KAT2B: variants seen among roughly 807,000 people sequenced by gnomAD.
KAT2B encodes the protein lysine acetyltransferase 2B.
In KAT2B, 36 loss-of-function variants were observed where a neutral mutation model predicts 105.9. The ratio of observed to expected loss-of-function variants is 0.34; its 90% CI spans 0.26 to 0.45. KAT2B has a LOEUF of 0.45. KAT2B is among the 20% of genes least tolerant of loss of function. KAT2B has a pLI of 1.00. For missense variants in KAT2B, 820 were observed against 1,021.6 expected (o/e 0.80, Z 2.69); for synonymous variants, 397 against 377.9 (o/e 1.05, Z -0.59).
chr3:20,154,045 T>TAATG lies in KAT2B; in HGVS notation c.*1523_*1526dup, dbSNP rs1699910905. The TAATG allele has an allele frequency of 6.6e-6, 1 of 152,626 alleles. No individual in the cohort carries two copies. The highest frequency in any genetic ancestry group is 1.5e-5 in the Non-Finnish European group (1 of 68,024). The allele number at this position is 152,626 out of a possible 1,614,324, so 9.5% of individuals were successfully genotyped here. Reference sequence around the variant, plus strand: ...CCACCATGAGTGGTGTCTAGATTTCTAATGAAGAATCATGATACAGTTTGG... The same window carrying TAATG: ...CCACCATGAGTGGTGTCTAGATTTCTAATGAATGAAGAATCATGATACAGTTTGG... On this transcript the variant is annotated 3_prime_UTR_variant, in exon 18 of 18. Transcript: ENST00000263754.
chr3:20,094,993 T>C (rs6793985), intron 2 of KAT2B, among the ~76,000 whole-genome samples: 34,361 of 152,116 alleles, frequency 0.23, 4,236 homozygotes, highest in African/African-American at 0.31. Flanking sequence ...TACTGATTCT[T>C]AAAATATACA....
intron 7 of KAT2B, 62 bp downstream of exon 7, chr3:20,115,050 C>G: frequency 1.1e-6 from 1 of 949,936 alleles, no homozygotes; most frequent in Non-Finnish European, 1.7e-6. Flanking sequence ...GTGTAAGTTG[C>G]AGTTCACTGC....
intron 1 of KAT2B, among the ~76,000 whole-genome samples, chr3:20,056,834 A>G (rs541909658): frequency 6.6e-6 from 1 of 152,338 alleles, no homozygotes; most frequent in South Asian, 2.1e-4. Flanking sequence ...TTGCCAGCTG[A>G]GTGAACTCAG....
chr3:20,149,489 G>A (rs1401872181), intron 17 of KAT2B, among the ~76,000 whole-genome samples: 3 of 46,392 alleles, frequency 6.5e-5, no homozygotes, highest in African/African-American at 2.4e-4. Context: ...GAGGGAGACC[G>A]TATCTCAAAA....
At chr3:20,081,334 G>A (rs1056845492) in intron 2 of KAT2B, among the ~76,000 whole-genome samples, 1 of 152,100 alleles carries the variant, frequency 6.6e-6, no homozygotes, top group African/African-American at 2.4e-5. Flanking sequence ...GGTTAGTGAG[G>A]GTCACGGCAC....
chr3:20,141,591 A>G (rs1699695392), intron 13 of KAT2B, among the ~76,000 whole-genome samples: 1 of 152,172 alleles, frequency 6.6e-6, no homozygotes, highest in African/African-American at 2.4e-5. Context: ...CATCTGTCTT[A>G]TACCCATCTT....
At chr3:20,075,309 A>G (rs575814426) in intron 2 of KAT2B, among the ~76,000 whole-genome samples, 7 of 151,926 alleles carry the variant, frequency 4.6e-5, no homozygotes, top group South Asian at 2.1e-4. Flanking sequence ...ACTTTTTTCT[A>G]TTTTACTCAA....
intron 6 of KAT2B, among the ~76,000 whole-genome samples, chr3:20,113,408 T>C (rs913813060): frequency 3.3e-5 from 5 of 152,218 alleles, no homozygotes; most frequent in Non-Finnish European, 7.3e-5. Flanking sequence ...CATAATAAAT[T>C]TTTTTCCCAT....
intron 2 of KAT2B, among the ~76,000 whole-genome samples, chr3:20,081,290 C>T (rs1158717071): frequency 6.6e-6 from 1 of 152,154 alleles, no homozygotes; most frequent in African/African-American, 2.4e-5. Context: ...ACTGTCTTCA[C>T]GAGAAGTGCA....
At chr3:20,074,150 G>T (rs1222609473) in intron 2 of KAT2B, among the ~76,000 whole-genome samples, 3 of 152,140 alleles carry the variant, frequency 2.0e-5, no homozygotes, top group Non-Finnish European at 4.4e-5. Context: ...TTTAATCTGT[G>T]TGTAAATTAA....
intron 3 of KAT2B, among the ~76,000 whole-genome samples, chr3:20,097,349 C>T (rs1314294418): frequency 1.3e-5 from 2 of 152,034 alleles, no homozygotes; most frequent in African/African-American, 4.8e-5. Flanking sequence ...TCTCTTTCTT[C>T]CCTCCTTCAT....
At chr3:20,111,808 G>A in intron 6 of KAT2B, 21 bp downstream of exon 6, 1 of 1,593,820 alleles carries the variant, frequency 6.3e-7, no homozygotes, top group South Asian at 1.1e-5. Flanking sequence ...GTTTTTGCTG[G>A]TCTTTGTTTG....
At chr3:20,094,026 C>G (rs1698766949) in intron 2 of KAT2B, among the ~76,000 whole-genome samples, 1 of 152,114 alleles carries the variant, frequency 6.6e-6, no homozygotes, top group Non-Finnish European at 1.5e-5. Flanking sequence ...GTTTCAAACC[C>G]TAGCTCTGCC....
At chr3:20,128,700 A>G (rs745711377) in intron 11 of KAT2B, among the ~76,000 whole-genome samples, 1 of 152,122 alleles carries the variant, frequency 6.6e-6, no homozygotes, top group Non-Finnish European at 1.5e-5. Context: ...GAACCAGAAA[A>G]CATGTCCTTA....
intron 1 of KAT2B, among the ~76,000 whole-genome samples, chr3:20,051,381 G>A (rs73819092): frequency 0.054 from 8,236 of 152,144 alleles, 535 homozygotes; most frequent in African/African-American, 0.15. Context: ...CCTGGAGTCC[G>A]TATTGGTGAG....
Position 20,065,946 on chromosome 3 carries a change from A to G in KAT2B, c.304-6387A>G, listed in dbSNP as rs572155590. 1.6e-4 allele frequency among the ~76,000 whole-genome samples: 25 copies of G among 152,268 alleles called. 1 individual carries two copies. In the East Asian group the frequency reaches 2.9e-3, roughly 18 times the overall value. ...TTAACATTTTCTAGTAGTCCTGTGTATTAGTTTCTTAGGCCTGTCATAACA... is the reference window on the plus strand; with the variant it reads ...TTAACATTTTCTAGTAGTCCTGTGTGTTAGTTTCTTAGGCCTGTCATAACA... On this transcript the variant is annotated intron_variant, in intron 1 of 17. Transcript: ENST00000263754.
intron 2 of KAT2B, among the ~76,000 whole-genome samples, chr3:20,081,058 A>T (rs749303614): frequency 1.6e-4 from 24 of 152,174 alleles, no homozygotes; most frequent in Admixed American, 2.6e-4. Flanking sequence ...ACCACTTTTA[A>T]ATGATAAGCC....
At chr3:20,114,173 G>C (rs929770403) in intron 6 of KAT2B, among the ~76,000 whole-genome samples, 1 of 151,980 alleles carries the variant, frequency 6.6e-6, no homozygotes, top group African/African-American at 2.4e-5. Flanking sequence ...TGATTTCTAT[G>C]GGTTGCCAAA....
chr3:20,077,010 C>A (rs1698431914), intron 2 of KAT2B, among the ~76,000 whole-genome samples: 1 of 152,144 alleles, frequency 6.6e-6, no homozygotes, highest in African/African-American at 2.4e-5. Context: ...TTGCCTCAGC[C>A]ATATATGTTC....
Sources: gnomAD v4.1 joint callset for allele counts (sites outside exome capture counted in the v4.1 genomes callset) on GRCh38, gnomAD v4.1.1 for gene constraint, MANE v1.5 for transcripts, NCBI Gene and HGNC (gene_info 2026-07-23, HGNC 2026-07-21) for gene names.